The following LRP8 variants were observed in gnomAD, a reference collection of about 807,000 sequenced individuals.
The protein encoded by LRP8 is LDL receptor related protein 8.
Under a neutral mutation model 111.6 loss-of-function variants are expected in LRP8, and 46 were observed. The observed-to-expected ratio is 0.41, with a 90% confidence interval of 0.33 to 0.53. The LOEUF is 0.53. Among genes scored for constraint, LRP8 ranks in the 20% least tolerant of loss-of-function variants. The probability of loss-of-function intolerance (pLI) is 0.20; values close to 1 mark genes in which losing one functional copy is unlikely to be tolerated. For synonymous variants in LRP8, 464 were observed against 511.2 expected (o/e 0.91, Z 1.24); for missense variants, 959 against 1,297.4 (o/e 0.74, Z 4.01).
chr1:53,306,723 A>G (rs976539965), intron 2 of LRP8, among the ~76,000 whole-genome samples: 1 of 152,116 alleles, frequency 6.6e-6, no homozygotes, highest in African/African-American at 2.4e-5. Flanking sequence ...CTGGGAGGGC[A>G]CCTGCCTCTG....
chr1:53,274,728 C>T (rs1181594153), intron 6 of LRP8: 1 of 456,312 alleles, frequency 2.2e-6, no homozygotes, highest in Non-Finnish European at 4.4e-6. Context: ...TCCGACCAGT[C>T]CCGGCAGTCC....
chr1:53,324,464 G>A (rs1654892793), intron 2 of LRP8, among the ~76,000 whole-genome samples: 1 of 152,194 alleles, frequency 6.6e-6, no homozygotes, highest in Admixed American at 6.5e-5. Flanking sequence ...GTGTGTCTAT[G>A]TGCACAGCCA....
At chr1:53,291,994 C>G (rs376863978) in intron 2 of LRP8, 1 of 152,100 alleles carries the variant, frequency 6.6e-6, no homozygotes, top group Non-Finnish European at 1.5e-5. Context: ...GAGCTAAATG[C>G]GAGCACAGCC....
rs74765385 is a variant in LRP8, at chr1:53,265,945, G to A, written c.1427+528C>T. The stretch of plus-strand genomic sequence containing the variant: ...AAGCACCAGGTCCACTGACTGTGGC[G>A]TCAAAGACAGTGAAAAGCTGGCCTT... On this transcript the variant is annotated intron_variant, in intron 9 of 18. Transcript: ENST00000306052. Among the ~76,000 whole-genome samples, 557 of 152,326 alleles carry A rather than the reference G, an allele frequency of 3.7e-3. 4 individuals are homozygous for A. Among genetic ancestry groups the A allele is most frequent in the African/African-American group, 0.013 (534 of 41,582 alleles).
Position 53,282,002 on chromosome 1 carries a change from G to A in LRP8, c.368-1287C>T, listed in dbSNP as rs930801913. The stretch of plus-strand genomic sequence containing the variant: ...CTGAAAGTCAGCTGTGTCTGATGCC[G>A]GAGACTCAGCACAATCCATTTCTCC... On this transcript the variant is annotated intron_variant, in intron 3 of 18. Transcript: ENST00000306052. Among the ~76,000 whole-genome samples the A allele has an allele frequency of 4.6e-5, 7 of 152,194 alleles. 1 individual carries two copies. Among genetic ancestry groups the A allele is most frequent in the Admixed American group, 2.0e-4 (3 of 15,284 alleles).
intron 5 of LRP8, 31 bp downstream of exon 5, chr1:53,276,661 G>C (rs1408659781): frequency 2.0e-6 from 3 of 1,484,562 alleles, no homozygotes; most frequent in East Asian, 2.7e-5. Flanking sequence ...GCAATCCCTG[G>C]GCGGGGCTGG....
At position 53,274,618 on chromosome 1, in the gene LRP8, A is replaced by G. The variant is rs1208783378; in HGVS notation, c.1006+1013T>C. 3 of 447,906 alleles carry G rather than the reference A, an allele frequency of 6.7e-6. No homozygotes were observed. In the East Asian group the frequency reaches 2.1e-4, roughly 31 times the overall value. 27.7% of individuals were successfully genotyped at this position (447,906 alleles called of 1,614,324 possible). A position where few individuals can be genotyped will look rare whatever the true frequency, so the allele number is the denominator to read the frequency against. ...AGCAGAAAGTGTCAGGGCAGGGGGC[A>G]CTGGAGGGCCTTGAGCCTAGATACC... On this transcript the variant is annotated intron_variant, in intron 6 of 18. Transcript: ENST00000306052.
chr1:53,289,307 T>C, intron 3 of LRP8: 1 of 351,628 alleles, frequency 2.8e-6, no homozygotes, highest in Non-Finnish European at 5.3e-6. Context: ...GGGCTCCTTC[T>C]GGGCAGAAGG....
In LRP8 at chr1:53,313,649, G is replaced by A. The variant is rs1176945081; in HGVS notation, c.244+13224C>T. Among the ~76,000 whole-genome samples, 12 of 152,306 alleles carry A rather than the reference G, an allele frequency of 7.9e-5. No individual in the cohort carries two copies. In the East Asian group the frequency reaches 2.1e-3, roughly 27 times the overall value. On this transcript the variant is annotated intron_variant, in intron 2 of 18. Transcript: ENST00000306052. Reference sequence around the variant, plus strand: ...GGACAAGCAGAGATGGAGCCTTCCAGGCTAGGGGCCTGCATGCAAAAGGGC... The same window carrying A: ...GGACAAGCAGAGATGGAGCCTTCCAAGCTAGGGGCCTGCATGCAAAAGGGC...
chr1:53,274,996 G>A (rs541423957), intron 6 of LRP8, among the ~76,000 whole-genome samples: 142 of 152,332 alleles, frequency 9.3e-4, no homozygotes, highest in African/African-American at 3.4e-3. Flanking sequence ...TCACAGGACA[G>A]GATCCCAGGG....
chr1:53,302,495 C>CACCCCG (rs1457718936), intron 2 of LRP8, among the ~76,000 whole-genome samples: 1 of 152,120 alleles, frequency 6.6e-6, no homozygotes, highest in East Asian at 1.9e-4. Flanking sequence ...GTGACGTCAC[C>CACCCCG]ACCCCGGAGT....
chr1:53,311,111 C>T (rs929582697), intron 2 of LRP8, among the ~76,000 whole-genome samples: 1 of 152,152 alleles, frequency 6.6e-6, no homozygotes, highest in African/African-American at 2.4e-5. Flanking sequence ...CTCTGAGCTG[C>T]CATGCCCTCC....
At chr1:53,312,127 T>C (rs1653112225) in intron 2 of LRP8, among the ~76,000 whole-genome samples, 1 of 152,082 alleles carries the variant, frequency 6.6e-6, no homozygotes, top group East Asian at 1.9e-4. Context: ...GGCAGGCCCA[T>C]GAATGTTATG....
Position 53,317,103 on chromosome 1 carries a change from C to T in LRP8, c.244+9770G>A, listed in dbSNP as rs1035905290. On this transcript the variant is annotated intron_variant, in intron 2 of 18. Transcript: ENST00000306052. The surrounding 1 kb of genome is among the most constrained non-coding windows in gnomAD (Gnocchi z 4.9). ...ACGCACATGTGCCCATGCCCATGGCCGAGAAAGGGCTCTGAGAGTGTAGGG... is the reference window on the plus strand; with the variant it reads ...ACGCACATGTGCCCATGCCCATGGCTGAGAAAGGGCTCTGAGAGTGTAGGG... Among the ~76,000 whole-genome samples the T allele has an allele frequency of 6.6e-6, 1 of 150,958 alleles. No homozygotes were observed. Among genetic ancestry groups the T allele is most frequent in the African/African-American group, 2.4e-5 (1 of 41,192 alleles).
In LRP8 at chr1:53,287,184, C is replaced by T. The variant is rs376731407; in HGVS notation, c.367+2383G>A. Among the ~76,000 whole-genome samples the T allele has an allele frequency of 2.6e-5, 4 of 152,344 alleles. No individual in the cohort carries two copies. The East Asian group carries it at 7.7e-4, about 29-fold the overall frequency. On this transcript the variant is annotated intron_variant, in intron 3 of 18. Coordinates refer to ENST00000306052, the MANE Select transcript of LRP8 (RefSeq NM_004631.5). ...ATGGCAACACCAATTAAATGGATAG[C>T]AGGTTGGCTGCTAGGTTCTCATTCA...
At chr1:53,251,011 C>T in intron 16 of LRP8, 149 bp from the exon 17 acceptor site, 2 of 647,348 alleles carry the variant, frequency 3.1e-6, no homozygotes, top group Admixed American at 2.7e-5. Flanking sequence ...TTTGAAAGCC[C>T]ATCTCTCATC....
In LRP8 at chr1:53,279,796, C is replaced by T. The variant is rs969000200; in HGVS notation, c.496+791G>A. ...GTAGCGACAGCCAGTCTGTCTCCCC[C>T]ACTAATCATGTGTTCCCAGAGGGAA... On this transcript the variant is annotated intron_variant, in intron 4 of 18. Transcript: ENST00000306052. The surrounding 1 kb of genome is among the most constrained non-coding windows in gnomAD (Gnocchi z 4.4). Among the ~76,000 whole-genome samples the T allele has an allele frequency of 6.6e-6, 1 of 152,222 alleles. No individual in the cohort carries two copies. Among genetic ancestry groups the T allele is most frequent in the African/African-American group, 2.4e-5 (1 of 41,462 alleles).
chr1:53,274,963 T>C, intron 6 of LRP8: 1 of 396,856 alleles, frequency 2.5e-6, no homozygotes, highest in South Asian at 1.8e-5. Context: ...GACAGGTAAA[T>C]CCAGGAACTG....
chr1:53,319,192 G>C (rs995353001), intron 2 of LRP8, among the ~76,000 whole-genome samples: 3 of 152,128 alleles, frequency 2.0e-5, no homozygotes, highest in African/African-American at 7.2e-5. Context: ...GCACCAACTG[G>C]AAAAGCCATC....
Sources: gnomAD v4.1 joint callset for allele counts (sites outside exome capture counted in the v4.1 genomes callset) on GRCh38, gnomAD v4.1.1 for gene constraint, Gnocchi (gnomAD v3.1) non-coding constraint, MANE v1.5 for transcripts, NCBI Gene and HGNC (gene_info 2026-07-23, HGNC 2026-07-21) for gene names.